MLLT3: variants seen among roughly 807,000 people sequenced by gnomAD.
The protein encoded by MLLT3 is MLLT3 super elongation complex subunit, also known as protein AF-9.
MLLT3 carries 4 observed loss-of-function variants against 53.2 expected under a neutral mutation model. The observed-to-expected ratio is 0.08, with a 90% CI of 0.04 to 0.17. MLLT3 has a LOEUF of 0.17. Ranked by LOEUF, MLLT3 falls within the 10% of genes least tolerant of loss-of-function variation. MLLT3 has a pLI of 1.00. For synonymous variants in MLLT3, 283 were observed against 230.6 expected, an observed-to-expected ratio of 1.23 and a Z score of -2.06; for missense variants, 569 against 684.0, an observed-to-expected ratio of 0.83 and a Z score of 1.87.
chr9:20,539,040 A>G (rs1818557813), intron 2 of MLLT3, among the ~76,000 whole-genome samples: 1 of 152,268 alleles, frequency 6.6e-6, no homozygotes, highest in Admixed American at 6.5e-5. Context: ...ACTGGGGAGC[A>G]GTAATGCCTG....
chr9:20,612,718 G>A (rs2131209946), intron 2 of MLLT3, among the ~76,000 whole-genome samples: 2 of 151,976 alleles, frequency 1.3e-5, no homozygotes, highest in South Asian at 4.2e-4. Context: ...AATCCCACCA[G>A]GAACCAGAGA....
chr9:20,356,240 T>C (rs1342381958), intron 8 of MLLT3, among the ~76,000 whole-genome samples: 3 of 152,226 alleles, frequency 2.0e-5, no homozygotes, highest in Non-Finnish European at 2.9e-5. Flanking sequence ...CTGACAATCA[T>C]GCTTTTTTTC....
At position 20,448,329 on chromosome 9, in the gene MLLT3, C is replaced by CA. The variant is rs1345268516; in HGVS notation, c.277-64dup. ...TGAGGCATAAGTGAAATTTTAAAAGCAAAAATTTACTCCTCATAAGAAATA... is the reference window on the plus strand; with the variant it reads ...TGAGGCATAAGTGAAATTTTAAAAGCAAAAAATTTACTCCTCATAAGAAATA... On this transcript the variant is annotated intron_variant, in intron 3 of 10. Transcript: ENST00000380338. The surrounding 1 kb of genome is among the most constrained non-coding windows in gnomAD (Gnocchi z 4.0). 2.0e-6 allele frequency: 3 copies of CA among 1,471,430 alleles called. No individual in the cohort carries two copies. The African/African-American group carries it at 4.2e-5, about 21-fold the overall frequency. The allele number at this position is 1,471,430 out of a possible 1,614,324, so 91.1% of individuals were successfully genotyped here.
rs554106293 is a variant in MLLT3 at position 20,380,934 on chromosome 9, C to T, written c.1126-15190G>A. On this transcript the variant is annotated intron_variant, in intron 5 of 10. Transcript: ENST00000380338. The stretch of plus-strand genomic sequence containing the variant: ...TTAGTCTCATGATCTTCCTGATGAA[C>T]TGAGCAAACTGCAGAATTCTCTGAG... 1.1e-4 allele frequency among the ~76,000 whole-genome samples: 16 copies of T among 152,076 alleles called. No homozygotes were observed. In the South Asian group the frequency reaches 3.3e-3, roughly 31 times the overall value.
At chr9:20,578,335 G>A (rs1336688928) in intron 2 of MLLT3, among the ~76,000 whole-genome samples, 4 of 152,120 alleles carry the variant, frequency 2.6e-5, no homozygotes, top group Admixed American at 2.6e-4. Flanking sequence ...TATTATGGAA[G>A]CATAATGAAA....
chr9:20,421,887 T>C (rs1823018134), intron 4 of MLLT3, among the ~76,000 whole-genome samples: 1 of 150,962 alleles, frequency 6.6e-6, no homozygotes, highest in Admixed American at 6.6e-5. Context: ...CAAAATGGAC[T>C]GCTGATGCTT....
chr9:20,381,171 T>C (rs1821899642), intron 5 of MLLT3, among the ~76,000 whole-genome samples: 1 of 151,990 alleles, frequency 6.6e-6, no homozygotes, highest in African/African-American at 2.4e-5. Flanking sequence ...CCTTTAGATA[T>C]TTCCACATTT....
intron 10 of MLLT3, among the ~76,000 whole-genome samples, chr9:20,350,585 A>C (rs1820995308): frequency 9.0e-6 from 1 of 110,926 alleles, no homozygotes; most frequent in Admixed American, 9.4e-5. Context: ...ACAGAGCGAG[A>C]CTCCGTCTCA....
At chr9:20,484,991 A>T (rs1056645555) in intron 2 of MLLT3, among the ~76,000 whole-genome samples, 4 of 151,164 alleles carry the variant, frequency 2.6e-5, no homozygotes, top group Admixed American at 2.0e-4. Context: ...TATTTTTTTT[A>T]TTTATTTTTT....
chr9:20,539,247 C>T (rs955040346), intron 2 of MLLT3, among the ~76,000 whole-genome samples: 3 of 152,234 alleles, frequency 2.0e-5, no homozygotes, highest in Non-Finnish European at 2.9e-5. Flanking sequence ...TGGAGTCAAT[C>T]GTCTCAAACC....
chr9:20,440,017 G>T (rs1246089774), intron 4 of MLLT3, among the ~76,000 whole-genome samples: 1 of 152,104 alleles, frequency 6.6e-6, no homozygotes, highest in Non-Finnish European at 1.5e-5. Flanking sequence ...CACCATTCCA[G>T]ATAACAGAAA....
At chr9:20,351,546 T>G (rs1353183927) in intron 10 of MLLT3, among the ~76,000 whole-genome samples, 1 of 152,236 alleles carries the variant, frequency 6.6e-6, no homozygotes, top group Non-Finnish European at 1.5e-5. Context: ...TGCTGTCTGT[T>G]CATTAAACTA....
chr9:20,438,418 C>T (rs1321778971), intron 4 of MLLT3, among the ~76,000 whole-genome samples: 1 of 151,898 alleles, frequency 6.6e-6, no homozygotes, highest in Non-Finnish European at 1.5e-5. Flanking sequence ...CAGCACTTTA[C>T]TTATTTATTT....
At chr9:20,491,746 C>T (rs1397827280) in intron 2 of MLLT3, among the ~76,000 whole-genome samples, 1 of 151,910 alleles carries the variant, frequency 6.6e-6, no homozygotes, top group African/African-American at 2.4e-5. Flanking sequence ...TTTAAATAAC[C>T]ACATATACAC....
At chr9:20,503,055 A>G (rs1825288544) in intron 2 of MLLT3, among the ~76,000 whole-genome samples, 1 of 152,242 alleles carries the variant, frequency 6.6e-6, no homozygotes, top group Admixed American at 6.5e-5. Flanking sequence ...AACTGAAGAC[A>G]ACACAAATAA....
chr9:20,507,260 A>C (rs1305418334), intron 2 of MLLT3, among the ~76,000 whole-genome samples: 3 of 152,214 alleles, frequency 2.0e-5, no homozygotes, highest in African/African-American at 7.2e-5. Context: ...AACAATCTAC[A>C]AATTCATATA....
At chr9:20,516,261 G>A (rs939054179) in intron 2 of MLLT3, among the ~76,000 whole-genome samples, 3 of 152,168 alleles carry the variant, frequency 2.0e-5, no homozygotes, top group Admixed American at 2.0e-4. Context: ...GTCACAACCA[G>A]CACAAACGAT....
chr9:20,526,652 T>C (rs2118988931), intron 2 of MLLT3, among the ~76,000 whole-genome samples: 1 of 152,340 alleles, frequency 6.6e-6, no homozygotes, highest in East Asian at 1.9e-4. Context: ...GTCTTGTACA[T>C]GTACCCACAC....
chr9:20,467,033 A>G (rs1019484122), intron 2 of MLLT3, among the ~76,000 whole-genome samples: 3 of 152,360 alleles, frequency 2.0e-5, no homozygotes, highest in Admixed American at 6.5e-5. Flanking sequence ...AACATTCCAC[A>G]GTAGAGCAAC....
Sources: allele counts gnomAD v4.1 joint callset (sites outside exome capture counted in the v4.1 genomes callset), GRCh38; gene constraint gnomAD v4.1.1; non-coding constraint Gnocchi (gnomAD v3.1); transcripts MANE v1.5; gene names NCBI Gene and HGNC (gene_info 2026-07-23, HGNC 2026-07-21).